SMAGP: variants seen among roughly 807,000 people sequenced by gnomAD.
The protein encoded by SMAGP is small cell adhesion glycoprotein, also known as small cell transmembrane and glycosylated protein.
A neutral mutation model predicts 10.1 loss-of-function variants in SMAGP; 7 were observed. The observed-to-expected ratio is 0.70, with a 90% CI of 0.40 to 1.31. The LOEUF is 1.31. Ranked by LOEUF, SMAGP falls within the 50% of genes most tolerant of loss-of-function variation. The pLI is 0.01. For synonymous variants in SMAGP, 49 were observed against 47.2 expected (o/e 1.04, Z -0.16); for missense variants, 113 against 116.5 (o/e 0.97, Z 0.14).
Position 51,245,744 on chromosome 12 carries a change from TATC to T in SMAGP, c.*194_*196del, listed in dbSNP as rs766103595. Reference sequence around the variant, plus strand: ...TCTAGTAAGAGGGCCTGGTTAAAGATATCATAAACAGCTTTCTCCATGTCCCTG... The same window carrying T: ...TCTAGTAAGAGGGCCTGGTTAAAGATATAAACAGCTTTCTCCATGTCCCTG... On this transcript the variant is annotated 3_prime_UTR_variant, in exon 4 of 4. Coordinates refer to ENST00000603798, the MANE Select transcript of SMAGP (RefSeq NM_001031628.2). The T allele has an allele frequency of 1.8e-6, 1 of 564,658 alleles. No individual in the cohort carries two copies. Among genetic ancestry groups the T allele is most frequent in the South Asian group, 2.8e-5 (1 of 36,020 alleles). The allele number at this position is 564,658 out of a possible 1,614,324, so 35.0% of individuals were successfully genotyped here. A position where few individuals can be genotyped will look rare whatever the true frequency, so the allele number is the denominator to read the frequency against.
intron 2 of SMAGP, among the ~76,000 whole-genome samples, chr12:51,259,733 A>G (rs182837190): frequency 2.6e-5 from 4 of 152,158 alleles, no homozygotes; most frequent in Non-Finnish European, 4.4e-5. Flanking sequence ...TTTTTCTTAG[A>G]GACAGGGTCT....
At chr12:51,269,032 A>C (rs551192072) in intron 2 of SMAGP, among the ~76,000 whole-genome samples, 1 of 152,290 alleles carries the variant, frequency 6.6e-6, no homozygotes, top group South Asian at 2.1e-4. Flanking sequence ...GAGGTTACAA[A>C]GATTTGTGAA....
intron 2 of SMAGP, chr12:51,251,418 CA>C (rs35287493): frequency 0.54 from 43,747 of 81,064 alleles, 8,962 homozygotes; most frequent in Middle Eastern, 0.6. Context: ...CCCATCTCTA[CA>C]AAAAAAAAAA....
chr12:51,256,743 A>AACAAAC (rs565651583), intron 2 of SMAGP, among the ~76,000 whole-genome samples: 1 of 146,376 alleles, frequency 6.8e-6, no homozygotes, highest in South Asian at 2.2e-4. Flanking sequence ...CAAACAAACA[A>AACAAAC]AAAAAACACA....
intron 2 of SMAGP, among the ~76,000 whole-genome samples, chr12:51,265,062 A>G (rs74469828): frequency 1.3e-5 from 2 of 152,196 alleles, no homozygotes; most frequent in African/African-American, 4.8e-5. Context: ...AAATGGGACA[A>G]GACTTGAATA....
intron 2 of SMAGP, among the ~76,000 whole-genome samples, chr12:51,248,900 C>CAAAAAAAAAAAAAA (rs545881552): frequency 1.0e-5 from 1 of 95,620 alleles, no homozygotes. Flanking sequence ...AAAAATACCA[C>CAAAAAAAAAAAAAA]AAAAAAAAAA....
intron 3 of SMAGP, chr12:51,246,441 T>G: frequency 2.3e-6 from 1 of 436,630 alleles, no homozygotes; most frequent in Non-Finnish European, 4.1e-6. Flanking sequence ...AAGTGGTTTA[T>G]CTGATCCTCC....
chr12:51,260,247 C>T (rs1944920012), intron 2 of SMAGP, among the ~76,000 whole-genome samples: 1 of 139,750 alleles, frequency 7.2e-6, no homozygotes, highest in African/African-American at 2.6e-5. Flanking sequence ...GATCTCTGCT[C>T]ACGACAGATC....
At position 51,245,240 on chromosome 12, in the gene SMAGP, T is replaced by G. The variant is rs558851900; in HGVS notation, c.*701A>C. The G allele has an allele frequency of 2.0e-5, 3 of 152,192 alleles. No individual in the cohort carries two copies. The South Asian group carries it at 6.2e-4, about 32-fold the overall frequency. The allele number at this position is 152,192 out of a possible 1,614,324, so 9.4% of individuals were successfully genotyped here. A position where few individuals can be genotyped will look rare whatever the true frequency, so the allele number is the denominator to read the frequency against. On this transcript the variant is annotated 3_prime_UTR_variant, in exon 4 of 4. Coordinates refer to ENST00000603798, the MANE Select transcript of SMAGP (RefSeq NM_001031628.2). Reference sequence around the variant, plus strand: ...TTCTAGAACTTTCCTAGGGTTCTTATTGCTTGGAAGAGAACATATGTAAAG... The same window carrying G: ...TTCTAGAACTTTCCTAGGGTTCTTAGTGCTTGGAAGAGAACATATGTAAAG...
rs553168306 is a variant in SMAGP at position 51,263,776 on chromosome 12, G to C, written c.34+5469C>G. On this transcript the variant is annotated intron_variant, in intron 2 of 3. Coordinates refer to ENST00000603798, the MANE Select transcript of SMAGP (RefSeq NM_001031628.2). The stretch of plus-strand genomic sequence containing the variant: ...TCGAATAGGGCTGACTTATGCACTA[G>C]GCACAACAGGCACAGTGCCCTGGGC... Among the ~76,000 whole-genome samples the C allele has an allele frequency of 1.7e-3, 253 of 152,258 alleles. 1 individual carries two copies. Among genetic ancestry groups the C allele is most frequent in the Non-Finnish European group, 2.3e-3 (155 of 68,018 alleles).
At position 51,246,122 on chromosome 12, in the gene SMAGP, TGGAAAG is replaced by T. The variant is rs752065963; in HGVS notation, c.116-9_116-4del. On this transcript the variant is annotated splice_region_variant and splice_polypyrimidine_tract_variant and intron_variant, in intron 3 of 3. Coordinates refer to ENST00000603798, the MANE Select transcript of SMAGP (RefSeq NM_001031628.2). ...GAGGAAGACAACGGTGATAACAACTTGGAAAGGAGAGGGAAAATGTAGAGATGTTTC... is the reference window on the plus strand; with the variant it reads ...GAGGAAGACAACGGTGATAACAACTTGAGAGGGAAAATGTAGAGATGTTTC... The T allele has an allele frequency of 3.7e-6, 6 of 1,613,512 alleles. No homozygotes were observed. The highest frequency in any genetic ancestry group is 4.2e-6 in the Non-Finnish European group (5 of 1,179,682).
In SMAGP at chr12:51,250,266, C is replaced by CAGAT. The variant is rs374289243; in HGVS notation, c.35-3439_35-3436dup. 3.7e-3 allele frequency among the ~76,000 whole-genome samples: 562 copies of CAGAT among 151,454 alleles called. 4 individuals carry two copies. Among genetic ancestry groups the CAGAT allele is most frequent in the Middle Eastern group, 0.014 (4 of 294 alleles). On this transcript the variant is annotated intron_variant, in intron 2 of 3. Transcript: ENST00000603798. ...GTGTGGTAATATGCGCCTGTAGTCC[C>CAGAT]AGATACTCATGAGGCTGAAGTGGGA...
chr12:51,255,676 G>A (rs552947046), intron 2 of SMAGP, among the ~76,000 whole-genome samples: 1 of 152,254 alleles, frequency 6.6e-6, no homozygotes, highest in Non-Finnish European at 1.5e-5. Flanking sequence ...TGACTACAGT[G>A]TGGACAATAG....
intron 2 of SMAGP, among the ~76,000 whole-genome samples, chr12:51,249,445 G>A (rs1435057898): frequency 6.6e-6 from 1 of 152,030 alleles, no homozygotes; most frequent in Non-Finnish European, 1.5e-5. Context: ...ACTATCTCTA[G>A]GTAGATAGTG....
At chr12:51,256,767 T>TC (rs944490374) in intron 2 of SMAGP, among the ~76,000 whole-genome samples, 7 of 120,442 alleles carry the variant, frequency 5.8e-5, no homozygotes, top group African/African-American at 1.8e-4. Flanking sequence ...AAACAAAACC[T>TC]CCCCCCCACC....
chr12:51,253,830 C>T (rs148965406), intron 2 of SMAGP, among the ~76,000 whole-genome samples: 18 of 152,136 alleles, frequency 1.2e-4, no homozygotes, highest in African/African-American at 4.1e-4. Context: ...CACTTGAACC[C>T]GGGAGGTAGA....
intron 2 of SMAGP, among the ~76,000 whole-genome samples, chr12:51,251,259 C>T (rs1426951012): frequency 6.6e-6 from 1 of 151,878 alleles, no homozygotes; most frequent in Non-Finnish European, 1.5e-5. Flanking sequence ...TATAGCAAGA[C>T]ACCATCTCTA....
At chr12:51,246,238 T>C in intron 3 of SMAGP, 119 bp from the exon 4 acceptor site, 2 of 1,423,216 alleles carry the variant, frequency 1.4e-6, no homozygotes, top group Non-Finnish European at 1.9e-6. Flanking sequence ...CATTAACTAG[T>C]GTCCACTTCC....
chr12:51,265,374 C>T (rs764834583), intron 2 of SMAGP, among the ~76,000 whole-genome samples: 1 of 152,176 alleles, frequency 6.6e-6, no homozygotes, highest in Non-Finnish European at 1.5e-5. Flanking sequence ...GAGCATACAT[C>T]CCAAACAACT....
Sources: allele counts gnomAD v4.1 joint callset (sites outside exome capture counted in the v4.1 genomes callset), GRCh38; gene constraint gnomAD v4.1.1; transcripts MANE v1.5; gene names NCBI Gene and HGNC (gene_info 2026-07-23, HGNC 2026-07-21).